PCNP: variants seen among roughly 807,000 people sequenced by gnomAD.
PCNP encodes the protein PEST proteolytic signal-containing nuclear protein.
PCNP carries 6 observed loss-of-function variants against 21.8 expected under a neutral mutation model. The observed-to-expected ratio is 0.28, with a 90% CI of 0.15 to 0.54. The LOEUF is 0.54. Among genes scored for constraint, PCNP ranks in the 20% least tolerant of loss-of-function variants. The pLI, the probability that PCNP is intolerant of heterozygous loss-of-function variation, is 0.95. For missense variants in PCNP, 161 were observed against 215.5 expected, an observed-to-expected ratio of 0.75 and a Z score of 1.58; for synonymous variants, 67 against 73.2, an observed-to-expected ratio of 0.92 and a Z score of 0.43.
chr3:101,574,156 G>A, upstream of PCNP: 1 of 1,533,178 alleles, frequency 6.5e-7, no homozygotes, highest in Non-Finnish European at 8.8e-7. Flanking sequence ...AAACTCGATG[G>A]TTGTTGGGCG....
chr3:101,590,016 T>G, intron 3 of PCNP, 199 bp from the exon 4 acceptor site: 1 of 525,432 alleles, frequency 1.9e-6, no homozygotes, highest in Non-Finnish European at 3.4e-6. Context: ...TTTTTCTTTA[T>G]GCAAAATCAG....
intron 4 of PCNP, 128 bp downstream of exon 4, chr3:101,590,398 T>G (rs1284096872): frequency 1.6e-6 from 1 of 620,244 alleles, no homozygotes; most frequent in Non-Finnish European, 2.9e-6. Context: ...AAAAGCATGT[T>G]CTGTGTACTA....
At position 101,591,888 on chromosome 3, in the gene PCNP, C is replaced by T. The variant is rs530462357; in HGVS notation, c.411-739C>T. Among the ~76,000 whole-genome samples, 647 of 151,358 alleles carry T rather than the reference C, an allele frequency of 4.3e-3. 1 individual carries two copies. The highest frequency in any genetic ancestry group is 7.3e-3 in the Non-Finnish European group (496 of 67,886). On this transcript the variant is annotated intron_variant, in intron 4 of 4. Coordinates refer to ENST00000265260, the MANE Select transcript of PCNP (RefSeq NM_020357.3). ...CTGGGCTCAGGCAATCCTCCCACCTCAGCCTCCTAAGCAGCTGGAGCCACA... is the reference window on the plus strand; with the variant it reads ...CTGGGCTCAGGCAATCCTCCCACCTTAGCCTCCTAAGCAGCTGGAGCCACA...
At chr3:101,579,131 T>A (rs945351242) in intron 1 of PCNP, among the ~76,000 whole-genome samples, 3 of 150,970 alleles carry the variant, frequency 2.0e-5, no homozygotes, top group Non-Finnish European at 4.4e-5. Context: ...AAAGTATGAT[T>A]TTTTTTTTTA....
intron 1 of PCNP, chr3:101,576,778 C>G: frequency 6.2e-7 from 1 of 1,611,550 alleles, no homozygotes; most frequent in Non-Finnish European, 8.5e-7. Context: ...AGTGAGTTCT[C>G]CCGCCCTCTT....
chr3:101,587,996 G>A (rs1419711671), intron 3 of PCNP, among the ~76,000 whole-genome samples: 1 of 152,142 alleles, frequency 6.6e-6, no homozygotes, highest in Non-Finnish European at 1.5e-5. Flanking sequence ...AAATTGACTG[G>A]GCATGGTGGC....
chr3:101,581,599 A>T (rs1342299887), intron 2 of PCNP, among the ~76,000 whole-genome samples: 1 of 151,596 alleles, frequency 6.6e-6, no homozygotes, highest in East Asian at 1.9e-4. Flanking sequence ...ACGTCTGGCT[A>T]ATTTTTGTAG....
At chr3:101,586,471 A>T (rs1192763177) in intron 3 of PCNP, among the ~76,000 whole-genome samples, 1 of 150,932 alleles carries the variant, frequency 6.6e-6, no homozygotes, top group Non-Finnish European at 1.5e-5. Context: ...TCATGATGTG[A>T]CGTCATTGTG....
At chr3:101,586,278 C>T (rs922832774) in intron 3 of PCNP, among the ~76,000 whole-genome samples, 1 of 151,210 alleles carries the variant, frequency 6.6e-6, no homozygotes, top group East Asian at 2.0e-4. Context: ...AGAAGTTCTA[C>T]TCAAAAAGCA....
intron 1 of PCNP, chr3:101,576,714 C>A (rs1324506156): frequency 6.2e-7 from 1 of 1,612,120 alleles, no homozygotes; most frequent in Non-Finnish European, 8.5e-7. Context: ...AGTCTGGGAT[C>A]TTGTACTGGC....
At chr3:101,578,616 G>A (rs910691003) in intron 1 of PCNP, among the ~76,000 whole-genome samples, 3 of 152,166 alleles carry the variant, frequency 2.0e-5, no homozygotes, top group Non-Finnish European at 4.4e-5. Flanking sequence ...CATCTAAACA[G>A]AATCAAATGT....
At chr3:101,578,259 G>T (rs1935037131) in intron 1 of PCNP, among the ~76,000 whole-genome samples, 1 of 152,192 alleles carries the variant, frequency 6.6e-6, no homozygotes, top group African/African-American at 2.4e-5. Context: ...TGTCATACTT[G>T]ATTAGAGCTA....
At chr3:101,585,314 C>T (rs142708768) in intron 2 of PCNP, 123 bp from the exon 3 acceptor site, 6,443 of 607,078 alleles carry the variant, frequency 0.011, 92 homozygotes, top group South Asian at 0.037. Context: ...GTATTGGGTT[C>T]GTTACTATAC....
At chr3:101,587,802 T>G (rs1221187194) in intron 3 of PCNP, among the ~76,000 whole-genome samples, 1 of 151,978 alleles carries the variant, frequency 6.6e-6, no homozygotes, top group African/African-American at 2.4e-5. Flanking sequence ...GTACAGACTG[T>G]AGGAGGGAAG....
chr3:101,576,879 C>T (rs1934938283), intron 1 of PCNP: 1 of 1,607,106 alleles, frequency 6.2e-7, no homozygotes, highest in Non-Finnish European at 8.5e-7. Flanking sequence ...CTATTTTCCG[C>T]TGCCCATCGA....
intron 2 of PCNP, among the ~76,000 whole-genome samples, chr3:101,582,448 T>C (rs1165384913): frequency 6.6e-6 from 1 of 152,164 alleles, no homozygotes; most frequent in Non-Finnish European, 1.5e-5. Context: ...AGACTCCGTC[T>C]CAAAAATAGA....
At chr3:101,575,882 T>TA (rs1934852562) in intron 1 of PCNP, among the ~76,000 whole-genome samples, 1 of 152,222 alleles carries the variant, frequency 6.6e-6, no homozygotes, top group Admixed American at 6.5e-5. Context: ...AGTAGAGAAT[T>TA]ACTTTGCTAA....
chr3:101,581,997 G>A (rs1225129031), intron 2 of PCNP, among the ~76,000 whole-genome samples: 3 of 151,588 alleles, frequency 2.0e-5, no homozygotes, highest in Non-Finnish European at 4.4e-5. Context: ...GCCTCAGCCT[G>A]CCAAAGTGCT....
chr3:101,576,726 T>A, intron 1 of PCNP: 1 of 1,612,052 alleles, frequency 6.2e-7, no homozygotes, highest in Non-Finnish European at 8.5e-7. Context: ...TGTACTGGCG[T>A]GGATTCTGCA....
Sources: allele counts gnomAD v4.1 joint callset (sites outside exome capture counted in the v4.1 genomes callset), GRCh38; gene constraint gnomAD v4.1.1; transcripts MANE v1.5; gene names NCBI Gene and HGNC (gene_info 2026-07-23, HGNC 2026-07-21).